The following ANKRD46 variants were observed in gnomAD, a reference collection of about 807,000 sequenced individuals.
ANKRD46 encodes the protein ankyrin repeat domain-containing protein 46.
Under a neutral mutation model 19.8 loss-of-function variants are expected in ANKRD46, and 13 were observed. The ratio of observed to expected loss-of-function variants is 0.66; its 90% CI spans 0.43 to 1.04. The LOEUF (loss-of-function observed/expected upper bound fraction) is 1.04. Among genes scored for constraint, ANKRD46 ranks in the 50% least tolerant of loss-of-function variants. The pLI, the probability that ANKRD46 is intolerant of heterozygous loss-of-function variation, is 0.00. For missense variants in ANKRD46, 185 were observed against 274.8 expected, an observed-to-expected ratio of 0.67 and a Z score of 2.31; for synonymous variants, 91 against 106.9, an observed-to-expected ratio of 0.85 and a Z score of 0.92.
intron 4 of ANKRD46, among the ~76,000 whole-genome samples, chr8:100,526,233 TAGTA>T (rs1478355273): frequency 6.6e-6 from 1 of 152,218 alleles, no homozygotes; most frequent in Non-Finnish European, 1.5e-5. Context: ...TATCACTTCT[TAGTA>T]AGTAATCACA....
Position 100,557,390 on chromosome 8 carries a change from C to T in ANKRD46, c.-131+2321G>A, listed in dbSNP as rs1812523403. On this transcript the variant is annotated intron_variant, in intron 1 of 4. Transcript: ENST00000335659. The surrounding 1 kb of genome is among the most constrained non-coding windows in gnomAD (Gnocchi z 5.9). ...ATCAGCAATACTCAGAATACGACGG[C>T]TTCTTACTGCCTCTCTTACTACCCA... Among the ~76,000 whole-genome samples, 1 of 152,222 alleles carries T rather than the reference C, an allele frequency of 6.6e-6. No individual in the cohort carries two copies. The highest frequency in any genetic ancestry group is 1.5e-5 in the Non-Finnish European group (1 of 68,034).
chr8:100,551,318 C>A, intron 1 of ANKRD46: 2 of 546,798 alleles, frequency 3.7e-6, no homozygotes, highest in East Asian at 4.1e-5. Flanking sequence ...GGATCATGCC[C>A]ATTATGAATA....
intron 5 of ANKRD46, among the ~76,000 whole-genome samples, chr8:100,513,550 A>C (rs561575505): frequency 6.6e-6 from 1 of 152,252 alleles, no homozygotes; most frequent in Non-Finnish European, 1.5e-5. Context: ...GTTGGCTCCA[A>C]GTCTACGTGT....
chr8:100,543,202 C>A lies in ANKRD46; in HGVS notation c.-130-9891G>T, dbSNP rs1388300045. 1.3e-5 allele frequency among the ~76,000 whole-genome samples: 2 copies of A among 152,168 alleles called. No homozygotes were observed. Among genetic ancestry groups the A allele is most frequent in the African/African-American group, 2.4e-5 (1 of 41,450 alleles). On this transcript the variant is annotated intron_variant, in intron 1 of 4. Transcript: ENST00000335659. The surrounding 1 kb of genome is among the most constrained non-coding windows in gnomAD (Gnocchi z 4.2). ...ATAGCTCTTCCAGATTTGCTGCTTTCCAGGAAATGTCTTTAATAAACAGGC... is the reference window on the plus strand; with the variant it reads ...ATAGCTCTTCCAGATTTGCTGCTTTACAGGAAATGTCTTTAATAAACAGGC...
Position 100,558,586 on chromosome 8 carries a change from G to A in ANKRD46, c.-131+1125C>T, listed in dbSNP as rs547409195. 3.3e-5 allele frequency among the ~76,000 whole-genome samples: 5 copies of A among 152,254 alleles called. No individual in the cohort carries two copies. The South Asian group carries it at 1.0e-3, about 32-fold the overall frequency. On this transcript the variant is annotated intron_variant, in intron 1 of 4. Coordinates refer to ENST00000335659, the MANE Select transcript of ANKRD46 (RefSeq NM_001270377.2). ...TACTAAACTCCTTTTAAACTAAAAA[G>A]GAGTTCATGTAGGACTCCTGCATAT... is the stretch of plus-strand genomic sequence containing the variant.
chr8:100,510,512 C>T lies in ANKRD46; in HGVS notation c.*65G>A, dbSNP rs775675865. ...GAAACAGCCCCACCCAACAGGGACG[C>T]TGACGTCTGTATCCCTTCTTTCTTG... On this transcript the variant is annotated 3_prime_UTR_variant, in exon 6 of 6. Coordinates refer to the ANKRD46 transcript ENST00000520552. The surrounding 1 kb of genome is among the most constrained non-coding windows in gnomAD (Gnocchi z 4.9). 3.7e-5 allele frequency: 54 copies of T among 1,458,694 alleles called. No individual in the cohort carries two copies. The highest frequency in any genetic ancestry group is 1.4e-4 in the Admixed American group (7 of 48,298). The allele number at this position is 1,458,694 out of a possible 1,614,324, so 90.4% of individuals were successfully genotyped here.
Position 100,543,964 on chromosome 8 carries a change from T to C in ANKRD46, c.-130-10653A>G, listed in dbSNP as rs1054090370. On this transcript the variant is annotated intron_variant, in intron 1 of 4. Coordinates refer to ENST00000335659, the MANE Select transcript of ANKRD46 (RefSeq NM_001270377.2). The surrounding 1 kb of genome is among the most constrained non-coding windows in gnomAD (Gnocchi z 4.2). ...TTTCAGGAGTGTAATTGAAATCATT[T>C]AAAGATTAACCCAAGAGTTCTTAAT... 8.5e-5 allele frequency among the ~76,000 whole-genome samples: 13 copies of C among 152,330 alleles called. No homozygotes were observed. The highest frequency in any genetic ancestry group is 2.9e-4 in the African/African-American group (12 of 41,580).
Position 100,559,028 on chromosome 8 carries a change from A to G in ANKRD46, c.-131+683T>C, listed in dbSNP as rs1390297252. 1 of 152,194 alleles carries G rather than the reference A, an allele frequency of 6.6e-6. No homozygotes were observed. The highest frequency in any genetic ancestry group is 1.5e-5 in the Non-Finnish European group (1 of 68,042). 9.4% of individuals were successfully genotyped at this position (152,194 alleles called of 1,614,324 possible). Reference sequence around the variant, plus strand: ...TTGAGAAGCGCTACTATTCAATGGCATATTTTTACCTTATTATGTTCTGTA... The same window carrying G: ...TTGAGAAGCGCTACTATTCAATGGCGTATTTTTACCTTATTATGTTCTGTA... On this transcript the variant is annotated intron_variant, in intron 1 of 4. Coordinates refer to ENST00000335659, the MANE Select transcript of ANKRD46 (RefSeq NM_001270377.2). The surrounding 1 kb of genome is among the most constrained non-coding windows in gnomAD (Gnocchi z 6.0).
Position 100,522,330 on chromosome 8 carries a change from G to T in ANKRD46, c.*225C>A. The T allele has an allele frequency of 7.4e-7, 1 of 1,355,082 alleles. No individual in the cohort carries two copies. The highest frequency in any genetic ancestry group is 9.5e-7 in the Non-Finnish European group (1 of 1,052,386). 83.9% of individuals were successfully genotyped at this position (1,355,082 alleles called of 1,614,324 possible). A position where few individuals can be genotyped will look rare whatever the true frequency, so the allele number is the denominator to read the frequency against. ...GGCTACGTGTAGGCTTTCCTACAAA[G>T]TCAGGTTGAGTCAGAGGTAGCGTTA... On this transcript the variant is annotated 3_prime_UTR_variant, in exon 5 of 5. Transcript: ENST00000335659.
At chr8:100,523,053 C>T (rs545582640) in intron 4 of ANKRD46, among the ~76,000 whole-genome samples, 9 of 152,074 alleles carry the variant, frequency 5.9e-5, no homozygotes, top group Non-Finnish European at 1.2e-4. Flanking sequence ...CCTGGCTGGG[C>T]GTGGTAGCTC....
intron 5 of ANKRD46, among the ~76,000 whole-genome samples, chr8:100,514,813 T>C (rs930197699): frequency 6.6e-6 from 1 of 151,894 alleles, no homozygotes; most frequent in Non-Finnish European, 1.5e-5. Context: ...CTAATTTTTG[T>C]ATTTTTAGTA....
Position 100,528,019 on chromosome 8 carries a change from A to AG in ANKRD46, c.312-17_312-16insC. On this transcript the variant is annotated splice_polypyrimidine_tract_variant and intron_variant, in intron 3 of 4. Coordinates refer to ENST00000335659, the MANE Select transcript of ANKRD46 (RefSeq NM_001270377.2). ...TTGATGATTGCTAAAAAAAAAAAAA[A>AG]AAAAAAAAGTTTATAAAAATAAAGA... is the stretch of plus-strand genomic sequence containing the variant. 6.5e-7 allele frequency: 1 copy of AG among 1,543,980 alleles called. No homozygotes were observed. Among genetic ancestry groups the AG allele is most frequent in the East Asian group, 2.3e-5 (1 of 43,826 alleles).
intron 5 of ANKRD46, among the ~76,000 whole-genome samples, chr8:100,515,503 T>C: frequency 6.6e-6 from 1 of 152,164 alleles, no homozygotes. Context: ...GAAATCCACA[T>C]CCTCAGCTAT....
chr8:100,538,835 CAG>C (rs758864699), intron 1 of ANKRD46, among the ~76,000 whole-genome samples: 2 of 152,120 alleles, frequency 1.3e-5, no homozygotes, highest in Non-Finnish European at 2.9e-5. Context: ...GAGAGTACCA[CAG>C]AGAGACAATT....
At chr8:100,540,277 A>C (rs2000480) in intron 1 of ANKRD46, among the ~76,000 whole-genome samples, 65,587 of 151,972 alleles carry the variant, frequency 0.43, 14,758 homozygotes, top group Middle Eastern at 0.5. Flanking sequence ...ATCAAACATA[A>C]GGGAGAACAT....
intron 1 of ANKRD46, among the ~76,000 whole-genome samples, chr8:100,552,147 C>CT (rs968551460): frequency 2.0e-5 from 2 of 100,200 alleles, no homozygotes; most frequent in African/African-American, 9.0e-5. Context: ...GAGACTCTGT[C>CT]TTAAAAAAAA....
chr8:100,526,675 T>C (rs1226315115), intron 4 of ANKRD46, among the ~76,000 whole-genome samples: 1 of 152,072 alleles, frequency 6.6e-6, no homozygotes, highest in Non-Finnish European at 1.5e-5. Context: ...CTGAACAAAA[T>C]AGACCTAAGC....
At chr8:100,535,896 G>C (rs1377561594) in intron 1 of ANKRD46, among the ~76,000 whole-genome samples, 1 of 152,142 alleles carries the variant, frequency 6.6e-6, no homozygotes, top group Non-Finnish European at 1.5e-5. Flanking sequence ...CATTTCTCTA[G>C]GATAAATGGT....
downstream of ANKRD46, among the ~76,000 whole-genome samples, chr8:100,518,846 T>C (rs192788315): frequency 5.6e-5 from 8 of 142,754 alleles, no homozygotes; most frequent in East Asian, 1.6e-3. Flanking sequence ...AGCGAGACTC[T>C]GTCTCAAAAA....
Sources: allele counts gnomAD v4.1 joint callset (sites outside exome capture counted in the v4.1 genomes callset), GRCh38; gene constraint gnomAD v4.1.1; non-coding constraint Gnocchi (gnomAD v3.1); transcripts MANE v1.5; gene names NCBI Gene and HGNC (gene_info 2026-07-23, HGNC 2026-07-21).